Variants in VCAN observed in about 807,000 individuals in gnomAD.
VCAN encodes versican.
A neutral mutation model predicts 245.5 loss-of-function variants in VCAN; 44 were observed. The ratio of observed to expected loss-of-function variants is 0.18; its 90% CI spans 0.14 to 0.23. The LOEUF (loss-of-function observed/expected upper bound fraction) is 0.23. Among genes scored for constraint, VCAN ranks in the 10% least tolerant of loss-of-function variants. The probability of loss-of-function intolerance (pLI) is 1.00; values close to 1 mark genes in which losing one functional copy is unlikely to be tolerated. For missense variants in VCAN, 3,793 were observed against 4,057.9 expected (o/e 0.93, Z 1.77); for synonymous variants, 1,413 against 1,437.0 (o/e 0.98, Z 0.38).
rs547343603 is a variant in VCAN at position 83,514,431 on chromosome 5, T to C, written c.1042+2035T>C. Among the ~76,000 whole-genome samples the C allele has an allele frequency of 3.3e-3, 498 of 149,976 alleles. 2 individuals carry two copies. The highest frequency in any genetic ancestry group is 0.012 in the African/African-American group (477 of 40,806). On this transcript the variant is annotated intron_variant, in intron 6 of 14. Transcript: ENST00000265077. ...TTCAAAAAATTTTTTAGTGTATATG[T>C]GTGTGTGTGTGTGTGTGTGTATTTT...
chr5:83,523,996 T>G (rs1403914024), intron 7 of VCAN, among the ~76,000 whole-genome samples: 1 of 152,110 alleles, frequency 6.6e-6, no homozygotes, highest in Non-Finnish European at 1.5e-5. Flanking sequence ...ATGCAGATTG[T>G]TTTTCAATTG....
rs749096307 is a variant in VCAN, at chr5:83,519,677, A to C, written c.1371A>C (p.Glu457Asp). 2 of 1,614,160 alleles carry C rather than the reference A, an allele frequency of 1.2e-6. No homozygotes were observed. The highest frequency in any genetic ancestry group is 1.7e-6 in the Non-Finnish European group (2 of 1,179,994). Residue 457 changes from glutamate (E) to aspartate (D), a missense_variant, in exon 7 of 15, where the codon GAA becomes GAC. Glu to Asp is a conservative substitution (Grantham distance 45). Around this residue, in one of 5 missense-constraint regions of VCAN, gnomAD observed 3,182 missense variants for 3,250.3 expected, o/e 0.98. Coordinates refer to ENST00000265077, the MANE Select transcript of VCAN (RefSeq NM_004385.5). ...AGCTAGACATATCAGAAATTAAGGA[A>C]GAAGTGCTCCAGAGTACAACTGGCG... ...LGKLDISEIK[E>D]EVLQSTTGVS...
intron 5 of VCAN, among the ~76,000 whole-genome samples, chr5:83,501,118 T>C (rs1410119717): frequency 2.6e-5 from 4 of 152,206 alleles, no homozygotes; most frequent in Non-Finnish European, 4.4e-5. Flanking sequence ...TTGGTAGAAC[T>C]GTCTACTCTG....
intron 7 of VCAN, among the ~76,000 whole-genome samples, chr5:83,528,756 T>A (rs1746399291): frequency 6.6e-6 from 1 of 152,150 alleles, no homozygotes; most frequent in Non-Finnish European, 1.5e-5. Flanking sequence ...TAAAGGTTTA[T>A]GACATCTTAA....
rs1233399295 is a variant in VCAN at position 83,540,976 on chromosome 5, A to G, written c.7973A>G (p.Glu2658Gly). The G allele has an allele frequency of 6.2e-7, 1 of 1,613,996 alleles. No homozygotes were observed. Among genetic ancestry groups the G allele is most frequent in the African/African-American group, 1.3e-5 (1 of 74,918 alleles). The part of the protein sequence containing the change: ...QATHDESMTY[E>G]DRSQLDHMGF... ...ACACATGATGAATCAATGACTTATG[A>G]AGATAGAAGCCAACTAGATCACATG... The change falls in exon 8 of 15, where the codon GAA (glutamate) becomes GGA (glycine). Residue 2658 changes from glutamate to glycine, a missense_variant. Physicochemically the swap from Glu to Gly is moderately conservative, Grantham distance 98. Around this residue, in one of 5 missense-constraint regions of VCAN, gnomAD observed 3,182 missense variants for 3,250.3 expected, o/e 0.98. Transcript: ENST00000265077.
chr5:83,488,801 G>C (rs1019946819), intron 2 of VCAN, among the ~76,000 whole-genome samples: 2 of 152,132 alleles, frequency 1.3e-5, no homozygotes, highest in Non-Finnish European at 2.9e-5. Context: ...AAATAAATTA[G>C]TGATTTATAT....
rs536252273 is a variant in VCAN at position 83,520,081 on chromosome 5, C to T, written c.1775C>T (p.Thr592Ile). 2.1e-4 allele frequency: 338 copies of T among 1,614,072 alleles called. 4 individuals carry two copies. In the South Asian group the frequency reaches 3.4e-3, roughly 16 times the overall value. ...VSKTSEDTIH[T>I]HLEDLESVSA... ...AAGACTTCAGAAGACACCATCCACA[C>T]TCATTTAGAAGACTTGGAGTCAGTC... The change falls in exon 7 of 15, where the codon ACT becomes ATT. Residue 592 changes from threonine to isoleucine, a missense_variant. Physicochemically the swap from Thr to Ile is moderately conservative, Grantham distance 89. This residue lies in a region of VCAN where 3,182 missense variants were observed against 3,250.3 expected (regional missense o/e 0.98). Coordinates refer to ENST00000265077, the MANE Select transcript of VCAN (RefSeq NM_004385.5).
chr5:83,547,607 T>G (rs1747282029), intron 9 of VCAN, among the ~76,000 whole-genome samples: 1 of 151,914 alleles, frequency 6.6e-6, no homozygotes, highest in African/African-American at 2.4e-5. Flanking sequence ...TGATTGGAGG[T>G]GGGAAGGCTG....
intron 2 of VCAN, among the ~76,000 whole-genome samples, chr5:83,488,564 T>G (rs1744862912): frequency 1.3e-5 from 2 of 152,208 alleles, no homozygotes; most frequent in African/African-American, 4.8e-5. Context: ...GAATTTACTT[T>G]GTAAGCCAAG....
At chr5:83,558,688 A>T (rs925352770) in intron 12 of VCAN, among the ~76,000 whole-genome samples, 1 of 152,178 alleles carries the variant, frequency 6.6e-6, no homozygotes, top group African/African-American at 2.4e-5. Flanking sequence ...TAATTCAACT[A>T]GTATACTAAA....
At chr5:83,519,306 A>G in intron 6 of VCAN, 43 bp from the exon 7 acceptor site, 2 of 1,604,862 alleles carry the variant, frequency 1.2e-6, no homozygotes, top group South Asian at 1.1e-5. Flanking sequence ...ACAAGTTTTT[A>G]TTAGTGACTT....
At chr5:83,524,060 T>C (rs927870037) in intron 7 of VCAN, among the ~76,000 whole-genome samples, 3 of 152,122 alleles carry the variant, frequency 2.0e-5, no homozygotes, top group Non-Finnish European at 4.4e-5. Flanking sequence ...TAAAACCCAG[T>C]AAAAATGTTC....
rs369862922 is a variant in VCAN at position 83,537,779 on chromosome 5, A to G, written c.4776A>G (p.Ser1592=). The change falls in exon 8 of 15, where the codon TCA becomes TCG. Residue 1592 remains serine, a synonymous_variant. Transcript: ENST00000265077. ...YTPTIVPSSA[S]AYVSEEEAVT... ...CCACTATAGTTCCAAGTTCTGCATC[A>G]GCATATGTTTCAGAGGAAGAAGCAG... 6.2e-7 allele frequency: 1 copy of G among 1,614,050 alleles called. No homozygotes were observed. Among genetic ancestry groups the G allele is most frequent in the Non-Finnish European group, 8.5e-7 (1 of 1,179,962 alleles).
intron 12 of VCAN, among the ~76,000 whole-genome samples, chr5:83,571,834 T>C (rs1455464207): frequency 6.6e-6 from 1 of 152,180 alleles, no homozygotes; most frequent in African/African-American, 2.4e-5. Flanking sequence ...ATAAAATGAT[T>C]AGCATAGGTA....
intron 7 of VCAN, among the ~76,000 whole-genome samples, chr5:83,525,046 G>GTTTTTTTT (rs34155062): frequency 7.5e-6 from 1 of 132,536 alleles, no homozygotes. Flanking sequence ...TATAAATCTT[G>GTTTTTTTT]TTTTTTTTTT....
intron 1 of VCAN, among the ~76,000 whole-genome samples, chr5:83,474,536 A>T (rs1205411922): frequency 1.3e-5 from 2 of 152,178 alleles, no homozygotes; most frequent in Non-Finnish European, 2.9e-5. Flanking sequence ...ACCTCGCGCC[A>T]AGGGAGGACC....
rs780273926 is a variant in VCAN at position 83,537,988 on chromosome 5, G to T, written c.4985G>T (p.Arg1662Ile). The change falls in exon 8 of 15, where the codon AGA becomes ATA. Residue 1662 changes from arginine (R) to isoleucine (I), a missense_variant. This residue lies in a region of VCAN where 3,182 missense variants were observed against 3,250.3 expected (regional missense o/e 0.98). Coordinates refer to ENST00000265077, the MANE Select transcript of VCAN (RefSeq NM_004385.5). ...ACCATGGTAACTGATTTATCACAGA[G>T]AAATACTACTGATACACTCATTACT... ...MFTMVTDLSQ[R>I]NTTDTLITLD... 6.2e-7 allele frequency: 1 copy of T among 1,613,948 alleles called. No homozygotes were observed. The highest frequency in any genetic ancestry group is 1.7e-5 in the Admixed American group (1 of 59,972).
intron 10 of VCAN, among the ~76,000 whole-genome samples, chr5:83,549,339 C>G (rs1002696278): frequency 5.9e-5 from 9 of 152,160 alleles, no homozygotes; most frequent in African/African-American, 2.2e-4. Flanking sequence ...AAATTTAGTT[C>G]TTTACAGACT....
intron 7 of VCAN, among the ~76,000 whole-genome samples, chr5:83,529,747 T>C (rs1021104885): frequency 1.1e-4 from 16 of 152,158 alleles, no homozygotes; most frequent in Non-Finnish European, 1.6e-4. Context: ...CTTTGAGTGA[T>C]TGCCACATGC....
Sources: gnomAD v4.1 joint callset for allele counts (sites outside exome capture counted in the v4.1 genomes callset) on GRCh38, gnomAD v4.1.1 for gene constraint, gnomAD v4.1.1 regional missense constraint, MANE v1.5 for transcripts, NCBI Gene and HGNC (gene_info 2026-07-23, HGNC 2026-07-21) for gene names.